The following OSR2 variants were observed in gnomAD, a reference collection of about 807,000 sequenced individuals.
OSR2 encodes the protein protein odd-skipped-related 2.
Under a neutral mutation model 22.3 loss-of-function variants are expected in OSR2, and 8 were observed. The observed-to-expected ratio is 0.36, with a 90% CI of 0.21 to 0.65. The LOEUF is 0.65. Among genes scored for constraint, OSR2 ranks in the 30% least tolerant of loss-of-function variants. OSR2 has a pLI of 0.66. For synonymous variants in OSR2, 179 were observed against 173.8 expected (o/e 1.03, Z -0.23); for missense variants, 311 against 413.4 (o/e 0.75, Z 2.15).
Position 98,950,989 on chromosome 8 carries a change from T to G in OSR2, c.756+234T>G, listed in dbSNP as rs151190117. On this transcript the variant is annotated intron_variant, in intron 3 of 3. Transcript: ENST00000297565. The stretch of plus-strand genomic sequence containing the variant: ...ACTTTGATTATCATAAATCCTAATT[T>G]TAGAATTTTTTTCATCCAATCTGTC... The G allele has an allele frequency of 2.2e-3, 1,309 of 596,116 alleles. 9 individuals are homozygous for G. The highest frequency in any genetic ancestry group is 0.022 in the African/African-American group (1,166 of 53,908). 36.9% of individuals were successfully genotyped at this position (596,116 alleles called of 1,614,324 possible).
chr8:98,949,138 C>A lies in OSR2; in HGVS notation c.186C>A (p.His62Gln). The change falls in exon 2 of 4, where the codon CAC becomes CAA. Residue 62 changes from histidine (H) to glutamine (Q), a missense_variant. Transcript: ENST00000297565. The surrounding 1 kb of genome is among the most constrained non-coding windows in gnomAD (Gnocchi z 5.9). The stretch of plus-strand genomic sequence containing the variant: ...GGACGCTGGGGTATCCCAATGTGCA[C>A]GAGATCACCCGCTCCACCATCACGG... ...NHWTLGYPNV[H>Q]EITRSTITEM... 1 of 1,613,064 alleles carries A rather than the reference C, an allele frequency of 6.2e-7. No individual in the cohort carries two copies. Among genetic ancestry groups the A allele is most frequent in the South Asian group, 1.1e-5 (1 of 90,970 alleles).
At chr8:98,950,875 G>T in intron 3 of OSR2, 120 bp downstream of exon 3, 1 of 710,550 alleles carries the variant, frequency 1.4e-6, no homozygotes, top group South Asian at 1.5e-5. Context: ...AGTTCTCTAG[G>T]TGGGGAAAAG....
At chr8:98,946,598 TTA>T (rs1474992317) in intron 1 of OSR2, among the ~76,000 whole-genome samples, 1 of 152,306 alleles carries the variant, frequency 6.6e-6, no homozygotes, top group East Asian at 1.9e-4. Flanking sequence ...CTGAATTATA[TTA>T]GTCGTTAATT....
Position 98,948,755 on chromosome 8 carries a change from G to A in OSR2, c.-114-84G>A. 1 of 1,419,658 alleles carries A rather than the reference G, an allele frequency of 7.0e-7. No homozygotes were observed. Among genetic ancestry groups the A allele is most frequent in the Non-Finnish European group, 9.3e-7 (1 of 1,074,026 alleles). The allele number at this position is 1,419,658 out of a possible 1,614,324, so 87.9% of individuals were successfully genotyped here. On this transcript the variant is annotated intron_variant, in intron 1 of 3. Transcript: ENST00000297565. This position sits in a 1 kb window ranked among gnomAD's most constrained non-coding sequence, Gnocchi z 6.0. ...GGGTGGGGAGGGAGACTTAGGTGTG[G>A]TAACCTGCGCAGGTGCCAAAGGGCA...
At position 98,948,236 on chromosome 8, in the gene OSR2, C is replaced by A. The variant is rs1288992622; in HGVS notation, c.-114-603C>A. On this transcript the variant is annotated intron_variant, in intron 1 of 3. Transcript: ENST00000297565. This position sits in a 1 kb window ranked among gnomAD's most constrained non-coding sequence, Gnocchi z 6.0. ...GAGGTCAGTGCGGGGCGAGGTGAGC[C>A]CCTCCCAGGGCCCTCTGGCCCAGGA... The A allele has an allele frequency of 1.4e-6, 2 of 1,478,268 alleles. No individual in the cohort carries two copies. The highest frequency in any genetic ancestry group is 1.8e-6 in the Non-Finnish European group (2 of 1,116,026). 91.6% of individuals were successfully genotyped at this position (1,478,268 alleles called of 1,614,324 possible). A position where few individuals can be genotyped will look rare whatever the true frequency, so the allele number is the denominator to read the frequency against.
At chr8:98,947,429 A>C (rs866193999) in intron 1 of OSR2, among the ~76,000 whole-genome samples, 42 of 152,116 alleles carry the variant, frequency 2.8e-4, no homozygotes, top group Non-Finnish European at 3.5e-4. Flanking sequence ...GGAAGGCTGG[A>C]GTCTCTCCTG....
At chr8:98,950,613 A>G (rs1677793056) in intron 2 of OSR2, 43 bp from the exon 3 acceptor site, 2 of 1,317,012 alleles carry the variant, frequency 1.5e-6, no homozygotes, top group South Asian at 1.3e-5. Context: ...ACTCTTCACC[A>G]TGGGGCAAAG....
At position 98,952,024 on chromosome 8, in the gene OSR2, A is replaced by AT. The variant is rs1313712610; in HGVS notation, c.*324dup. ...TTGGGATCTTGTTGGATGCACTTAGATATGGAAAATGGAAGCCAAATTTTA... is the reference window on the plus strand; with the variant it reads ...TTGGGATCTTGTTGGATGCACTTAGATTATGGAAAATGGAAGCCAAATTTTA... On this transcript the variant is annotated 3_prime_UTR_variant, in exon 4 of 4. Transcript: ENST00000297565. 4.4e-6 allele frequency: 1 copy of AT among 228,858 alleles called. No homozygotes were observed. Among genetic ancestry groups the AT allele is most frequent in the African/African-American group, 2.2e-5 (1 of 44,588 alleles). The allele number at this position is 228,858 out of a possible 1,614,324, so 14.2% of individuals were successfully genotyped here.
rs1475499226 is a variant in OSR2 at position 98,948,641 on chromosome 8, T to G, written c.-114-198T>G. 3.1e-6 allele frequency: 3 copies of G among 963,482 alleles called. No individual in the cohort carries two copies. In the African/African-American group the frequency reaches 5.0e-5, roughly 16 times the overall value. 59.7% of individuals were successfully genotyped at this position (963,482 alleles called of 1,614,324 possible). ...GCGCTCGCCAGTGGAGCACTTCTTG[T>G]TCTGGCCCCGGGCTGATCTGCACGC... On this transcript the variant is annotated intron_variant, in intron 1 of 3. Transcript: ENST00000297565. The surrounding 1 kb of genome is among the most constrained non-coding windows in gnomAD (Gnocchi z 6.0).
In OSR2 at chr8:98,951,692, G is replaced by T; in HGVS notation, c.930G>T (p.Gln310His). Residue 310 changes from glutamine (Q) to histidine (H), a missense_variant, in exon 4 of 4, where the codon CAG becomes CAT. Gln to His is a conservative substitution (Grantham distance 24, BLOSUM62 0). Coordinates refer to ENST00000297565, the MANE Select transcript of OSR2 (RefSeq NM_001142462.3). ...RRHSLTHTPR[Q>H]DF ...ACAGCCTGACTCACACCCCGCGGCA[G>T]GACTTCTAGAGAAGCCCAGGATCTG... 1.9e-6 allele frequency: 3 copies of T among 1,612,794 alleles called. No individual in the cohort carries two copies. Among genetic ancestry groups the T allele is most frequent in the Non-Finnish European group, 2.5e-6 (3 of 1,179,494 alleles).
At chr8:98,950,055 G>A (rs982407799) in intron 2 of OSR2, among the ~76,000 whole-genome samples, 1 of 143,634 alleles carries the variant, frequency 7.0e-6, no homozygotes, top group African/African-American at 2.6e-5. Context: ...AGCTGTATTT[G>A]TGGGTTGAGA....
chr8:98,950,643 T>C lies in OSR2; in HGVS notation c.657-13T>C, dbSNP rs749739942. 5 of 1,567,258 alleles carry C rather than the reference T, an allele frequency of 3.2e-6. No individual in the cohort carries two copies. Among genetic ancestry groups the C allele is most frequent in the East Asian group, 2.2e-5 (1 of 44,534 alleles). On this transcript the variant is annotated splice_polypyrimidine_tract_variant and intron_variant, in intron 2 of 3. Transcript: ENST00000297565. Reference sequence around the variant, plus strand: ...GCAAAGTTATTTCAATGAAACCTTATATTGATTTTCAGATACATCCATTCC... The same window carrying C: ...GCAAAGTTATTTCAATGAAACCTTACATTGATTTTCAGATACATCCATTCC...
At chr8:98,945,544 C>A (rs1840586353) in intron 1 of OSR2, among the ~76,000 whole-genome samples, 1 of 152,206 alleles carries the variant, frequency 6.6e-6, no homozygotes, top group South Asian at 2.1e-4. Context: ...CAGACAGCCA[C>A]TTTCTCTGCT....
Position 98,949,231 on chromosome 8 carries a change from C to A in OSR2, c.279C>A (p.His93Gln). The A allele has an allele frequency of 6.3e-7, 1 of 1,596,516 alleles. No homozygotes were observed. Among genetic ancestry groups the A allele is most frequent in the Non-Finnish European group, 8.6e-7 (1 of 1,169,068 alleles). The change falls in exon 2 of 4, where the codon CAC becomes CAA. Residue 93 changes from histidine to glutamine, a missense_variant. Physicochemically the swap from His to Gln is conservative, Grantham distance 24. Coordinates refer to ENST00000297565, the MANE Select transcript of OSR2 (RefSeq NM_001142462.3). This position sits in a 1 kb window ranked among gnomAD's most constrained non-coding sequence, Gnocchi z 5.9. ...TCCCGGCCCTGCCTTTTACCACCCACCTATTCCACCCCAAGCAGGGGGCCA... is the reference window on the plus strand; with the variant it reads ...TCCCGGCCCTGCCTTTTACCACCCAACTATTCCACCCCAAGCAGGGGGCCA... ...FPFPALPFTT[H>Q]LFHPKQGAIA...
rs116400005 is a variant in OSR2, at chr8:98,951,775, G to T, written c.*74G>T. 1.4e-3 allele frequency: 1,997 copies of T among 1,471,428 alleles called. 16 individuals carry two copies. In the African/African-American group the frequency reaches 0.024, roughly 18 times the overall value. The allele number at this position is 1,471,428 out of a possible 1,614,324, so 91.1% of individuals were successfully genotyped here. On this transcript the variant is annotated 3_prime_UTR_variant, in exon 4 of 4. Coordinates refer to ENST00000297565, the MANE Select transcript of OSR2 (RefSeq NM_001142462.3). ...CCTCTCCACGTCTCCTACCCAGGGG[G>T]TCGCATCCCTAGCCCTTCACTGACC...
chr8:98,950,926 A>G lies in OSR2; in HGVS notation c.756+171A>G, dbSNP rs541772859. On this transcript the variant is annotated intron_variant, in intron 3 of 3. Coordinates refer to ENST00000297565, the MANE Select transcript of OSR2 (RefSeq NM_001142462.3). ...TTAATACATAAAATTAATCTTGTTT[A>G]ACATAAAGCATTTTTATATTTTTCT... 1.8e-4 allele frequency: 117 copies of G among 635,768 alleles called. No individual in the cohort carries two copies. The African/African-American group carries it at 2.0e-3, about 11-fold the overall frequency. 39.4% of individuals were successfully genotyped at this position (635,768 alleles called of 1,614,324 possible). A position where few individuals can be genotyped will look rare whatever the true frequency, so the allele number is the denominator to read the frequency against.
chr8:98,949,139 G>A lies in OSR2; in HGVS notation c.187G>A (p.Glu63Lys), dbSNP rs528132309. The part of the protein sequence containing the change: ...HWTLGYPNVH[E>K]ITRSTITEMA... ...GACGCTGGGGTATCCCAATGTGCAC[G>A]AGATCACCCGCTCCACCATCACGGA... Residue 63 changes from glutamate (E) to lysine (K), a missense_variant, in exon 2 of 4, where the codon GAG becomes AAG. By Grantham distance (56) the Glu-to-Lys change is moderately conservative. Coordinates refer to ENST00000297565, the MANE Select transcript of OSR2 (RefSeq NM_001142462.3). The surrounding 1 kb of genome is among the most constrained non-coding windows in gnomAD (Gnocchi z 5.9). The A allele has an allele frequency of 1.9e-6, 3 of 1,613,198 alleles. No individual in the cohort carries two copies. The highest frequency in any genetic ancestry group is 2.7e-5 in the African/African-American group (2 of 75,066).
At chr8:98,945,585 A>C (rs1382679676) in intron 1 of OSR2, among the ~76,000 whole-genome samples, 1 of 152,226 alleles carries the variant, frequency 6.6e-6, no homozygotes, top group Non-Finnish European at 1.5e-5. Flanking sequence ...CAGAACAAGA[A>C]AATTACTCAC....
chr8:98,949,127 C>A lies in OSR2; in HGVS notation c.175C>A (p.Pro59Thr). 6.2e-7 allele frequency: 1 copy of A among 1,613,696 alleles called. No homozygotes were observed. The highest frequency in any genetic ancestry group is 8.5e-7 in the Non-Finnish European group (1 of 1,179,790). Residue 59 changes from proline (P) to threonine (T), a missense_variant, in exon 2 of 4, where the codon CCC (proline) becomes ACC (threonine). This residue lies in a region of OSR2 where 146 missense variants were observed against 160.5 expected (regional missense o/e 0.91). Coordinates refer to ENST00000297565, the MANE Select transcript of OSR2 (RefSeq NM_001142462.3). This position sits in a 1 kb window ranked among gnomAD's most constrained non-coding sequence, Gnocchi z 5.9. ...CATGAACCACTGGACGCTGGGGTAT[C>A]CCAATGTGCACGAGATCACCCGCTC... ...MHMNHWTLGYPNVHEITRSTI... is the reference protein window; with the variant it reads ...MHMNHWTLGYTNVHEITRSTI...
Sources: allele counts gnomAD v4.1 joint callset (sites outside exome capture counted in the v4.1 genomes callset), GRCh38; gene constraint gnomAD v4.1.1; regional missense constraint gnomAD v4.1.1; non-coding constraint Gnocchi (gnomAD v3.1); transcripts MANE v1.5; gene names NCBI Gene and HGNC (gene_info 2026-07-23, HGNC 2026-07-21).